Variants in COL18A1 observed in about 807,000 individuals in gnomAD.
COL18A1 encodes the protein collagen alpha-1(XVIII) chain.
In COL18A1, 133 loss-of-function variants were observed where a neutral mutation model predicts 168.0. The ratio of observed to expected loss-of-function variants is 0.79; its 90% CI spans 0.69 to 0.91. The LOEUF is 0.91. Ranked by LOEUF, COL18A1 falls within the 40% of genes least tolerant of loss-of-function variation. The pLI is 0.00. For synonymous variants in COL18A1, 949 were observed against 809.0 expected (o/e 1.17, Z -2.94); for missense variants, 2,126 against 1,925.4 (o/e 1.10, Z -1.95).
chr21:45,413,549 G>A (rs922168505), intron 2 of COL18A1, among the ~76,000 whole-genome samples: 14 of 152,250 alleles, frequency 9.2e-5, no homozygotes, highest in African/African-American at 3.4e-4. Context: ...TTCCCGGAGG[G>A]AGGCGTCTGT....
rs2037676053 is a variant in COL18A1 at position 45,512,590 on chromosome 21, G to A, written c.*192G>A. On this transcript the variant is annotated 3_prime_UTR_variant, in exon 42 of 42. Coordinates refer to ENST00000651438, the MANE Select transcript of COL18A1 (RefSeq NM_001379500.1). ...TGTATTTTTTTAAAAGTTTAAAACA[G>A]AAGCCTGATGCTGACATTCACCTGC... is the stretch of plus-strand genomic sequence containing the variant. 3.2e-6 allele frequency: 2 copies of A among 632,788 alleles called. No homozygotes were observed. Among genetic ancestry groups the A allele is most frequent in the Admixed American group, 2.8e-5 (1 of 35,264 alleles). The allele number at this position is 632,788 out of a possible 1,614,324, so 39.2% of individuals were successfully genotyped here.
rs1223425580 is a variant in COL18A1 at position 45,473,457 on chromosome 21, C to T, written c.652-438C>T. The stretch of plus-strand genomic sequence containing the variant: ...CAAAGAAAGCAAAGCCATGGTGCCA[C>T]CTCGGTTGGTCCGAGTCGGGAGATG... On this transcript the variant is annotated intron_variant, in intron 3 of 41. Coordinates refer to ENST00000651438, the MANE Select transcript of COL18A1 (RefSeq NM_001379500.1). The surrounding 1 kb of genome is among the most constrained non-coding windows in gnomAD (Gnocchi z 4.0). Among the ~76,000 whole-genome samples the T allele has an allele frequency of 6.6e-6, 1 of 152,238 alleles. No individual in the cohort carries two copies. The highest frequency in any genetic ancestry group is 1.5e-5 in the Non-Finnish European group (1 of 68,048).
At chr21:45,488,897 C>T (rs954790363) in intron 18 of COL18A1, among the ~76,000 whole-genome samples, 2 of 152,054 alleles carry the variant, frequency 1.3e-5, no homozygotes, top group African/African-American at 2.4e-5. Context: ...AGCCTGGCCC[C>T]GAAGACCCCA....
chr21:45,512,811 T>G lies in COL18A1; in HGVS notation c.*413T>G, dbSNP rs1787575857. 1 of 288,862 alleles carries G rather than the reference T, an allele frequency of 3.5e-6. No individual in the cohort carries two copies. The highest frequency in any genetic ancestry group is 2.2e-5 in the African/African-American group (1 of 45,290). The allele number at this position is 288,862 out of a possible 1,614,324, so 17.9% of individuals were successfully genotyped here. ...CCGTTCTGTGCACAAAACCCAGACC[T>G]GTTAGCAGACAGGCCCCGTGAGGCA... On this transcript the variant is annotated 3_prime_UTR_variant, in exon 42 of 42. Transcript: ENST00000651438.
rs760921086 is a variant in COL18A1 at position 45,505,173 on chromosome 21, C to T, written c.2908C>T (p.Pro970Ser). ...GAGCATCCGGGGCCAGCCCGGCCCA[C>T]CTGGACCTCAGGGACCCCCCGGCAT... ...GESIRGQPGP[P>S]GPQGPPGIGY... The change falls in exon 35 of 42, where the codon CCT (proline) becomes TCT (serine). Residue 970 changes from proline to serine, a missense_variant. By Grantham distance (74) the Pro-to-Ser change is moderately conservative. Coordinates refer to ENST00000651438, the MANE Select transcript of COL18A1 (RefSeq NM_001379500.1). 2 of 1,607,404 alleles carry T rather than the reference C, an allele frequency of 1.2e-6. No individual in the cohort carries two copies. Among genetic ancestry groups the T allele is most frequent in the Non-Finnish European group, 1.7e-6 (2 of 1,177,918 alleles).
intron 29 of COL18A1, chr21:45,495,767 C>T (rs2146005142): frequency 5.4e-6 from 2 of 372,906 alleles, no homozygotes; most frequent in Admixed American, 3.8e-5. Context: ...TGCCCATACA[C>T]TCCACATAGG....
rs567416947 is a variant in COL18A1, at chr21:45,441,725, T to C, written c.107-26517T>C. Among the ~76,000 whole-genome samples the C allele has an allele frequency of 2.6e-5, 4 of 152,374 alleles. 1 individual carries two copies. In the East Asian group the frequency reaches 7.7e-4, roughly 29 times the overall value. On this transcript the variant is annotated intron_variant, in intron 2 of 41. Transcript: ENST00000651438. ...GTCTCCTCTGAGCAGGGCCAGCTTA[T>C]GGCATGGCGCCGGGTCAGCTCTCAC...
At chr21:45,408,137 G>A (rs1357876446) in intron 2 of COL18A1, 1 of 152,256 alleles carries the variant, frequency 6.6e-6, no homozygotes, top group Non-Finnish European at 1.5e-5. Flanking sequence ...TCCTCTGTAG[G>A]AAAACCTAGA....
chr21:45,498,907 G>A lies in COL18A1; in HGVS notation c.2683+1246G>A, dbSNP rs377117886. ...CAGGATGAACCTGGGGCTGAAGGCG[G>A]AACAGTTGGAGATTGAGACCTGTGT... On this transcript the variant is annotated intron_variant, in intron 32 of 41. Transcript: ENST00000651438. The surrounding 1 kb of genome is among the most constrained non-coding windows in gnomAD (Gnocchi z 4.5). 2.0e-4 allele frequency among the ~76,000 whole-genome samples: 30 copies of A among 152,352 alleles called. No homozygotes were observed. Among genetic ancestry groups the A allele is most frequent in the Admixed American group, 7.8e-4 (12 of 15,304 alleles).
rs1489203861 is a variant in COL18A1, at chr21:45,443,465, A to G, written c.107-24777A>G. On this transcript the variant is annotated intron_variant, in intron 2 of 41. Transcript: ENST00000651438. This position sits in a 1 kb window ranked among gnomAD's most constrained non-coding sequence, Gnocchi z 5.2. ...ACAGCCCAGCTCGGCATCGCAGCAG[A>G]GTCCCGGTGGTGGAGATGCTTTGCC... 6.6e-6 allele frequency among the ~76,000 whole-genome samples: 1 copy of G among 152,132 alleles called. No individual in the cohort carries two copies. The highest frequency in any genetic ancestry group is 1.5e-5 in the Non-Finnish European group (1 of 67,998).
At chr21:45,442,073 G>C (rs144426830) in intron 2 of COL18A1, among the ~76,000 whole-genome samples, 1 of 152,338 alleles carries the variant, frequency 6.6e-6, no homozygotes, top group Non-Finnish European at 1.5e-5. Context: ...GCAGTCCTGC[G>C]GGGAGGCCCA....
intron 18 of COL18A1, among the ~76,000 whole-genome samples, chr21:45,488,674 C>T (rs1037630579): frequency 6.6e-6 from 1 of 152,110 alleles, no homozygotes; most frequent in Non-Finnish European, 1.5e-5. Flanking sequence ...GTTCTCTCTC[C>T]GAAGCCCAGG....
chr21:45,493,143 C>G lies in COL18A1; in HGVS notation c.2215-20C>G. On this transcript the variant is annotated intron_variant, in intron 24 of 41. Transcript: ENST00000651438. Reference sequence around the variant, plus strand: ...GGAGATGCCAGCCGCTCGGGCCTCACGGCCTGGCCTCCATTCCAGGGACCT... The same window carrying G: ...GGAGATGCCAGCCGCTCGGGCCTCAGGGCCTGGCCTCCATTCCAGGGACCT... 2 of 1,551,876 alleles carry G rather than the reference C, an allele frequency of 1.3e-6. No individual in the cohort carries two copies. Among genetic ancestry groups the G allele is most frequent in the East Asian group, 2.4e-5 (1 of 41,098 alleles).
chr21:45,446,565 C>G (rs1159874272), intron 2 of COL18A1, among the ~76,000 whole-genome samples: 7 of 152,194 alleles, frequency 4.6e-5, no homozygotes, highest in African/African-American at 1.7e-4. Flanking sequence ...CAGCTAAATT[C>G]TACCAAGCAT....
chr21:45,490,602 G>A (rs898266305), intron 20 of COL18A1, among the ~76,000 whole-genome samples: 3 of 146,300 alleles, frequency 2.1e-5, no homozygotes, highest in Admixed American at 6.8e-5. Flanking sequence ...GTGCCCTCCC[G>A]GGTCCCTGGG....
At chr21:45,482,738 C>T in intron 14 of COL18A1, 57 bp from the exon 15 acceptor site, 6 of 1,614,034 alleles carry the variant, frequency 3.7e-6, no homozygotes, top group Middle Eastern at 1.6e-4. Flanking sequence ...ATGTGCCTTC[C>T]TCTGTCCACT....
chr21:45,419,267 G>A (rs768715642), intron 2 of COL18A1, among the ~76,000 whole-genome samples: 10 of 151,766 alleles, frequency 6.6e-5, no homozygotes, highest in Admixed American at 3.9e-4. Context: ...ATGCAGTTCC[G>A]TGTAGTGACG....
At chr21:45,407,325 TG>T (rs1031427018) in intron 2 of COL18A1, 1 of 152,278 alleles carries the variant, frequency 6.6e-6, no homozygotes, top group Non-Finnish European at 1.5e-5. Context: ...CATTTTTTTC[TG>T]GCCAAGAATG....
At chr21:45,452,524 A>G (rs954929631) in intron 2 of COL18A1, among the ~76,000 whole-genome samples, 5 of 151,884 alleles carry the variant, frequency 3.3e-5, no homozygotes, top group Non-Finnish European at 5.9e-5. Flanking sequence ...GTGAGCATGC[A>G]TGTACATATG....
Sources: gnomAD v4.1 joint callset for allele counts (sites outside exome capture counted in the v4.1 genomes callset) on GRCh38, gnomAD v4.1.1 for gene constraint, Gnocchi (gnomAD v3.1) non-coding constraint, MANE v1.5 for transcripts, NCBI Gene and HGNC (gene_info 2026-07-23, HGNC 2026-07-21) for gene names.